KDM3B: variants seen among roughly 807,000 people sequenced by gnomAD.
KDM3B encodes lysine demethylase 3B.
In KDM3B, 10 loss-of-function variants were observed where a neutral mutation model predicts 170.0. That is an observed-to-expected ratio of 0.06 (90% CI 0.04 to 0.10). KDM3B has a LOEUF of 0.10. KDM3B is among the 10% of genes least tolerant of loss of function. The pLI, the probability that KDM3B is intolerant of heterozygous loss-of-function variation, is 1.00. For missense variants in KDM3B, 1,394 were observed against 2,195.2 expected, an observed-to-expected ratio of 0.64 and a Z score of 7.29; for synonymous variants, 831 against 834.8, an observed-to-expected ratio of 1.00 and a Z score of 0.08.
chr5:138,435,063 CTTTTT>C (rs1161453838), intron 23 of KDM3B, among the ~76,000 whole-genome samples: 1 of 152,132 alleles, frequency 6.6e-6, no homozygotes, highest in African/African-American at 2.4e-5. Context: ...TGCCTGTTCA[CTTTTT>C]TCAATAACTT....
chr5:138,435,985 C>G lies in KDM3B; in HGVS notation c.*285C>G, dbSNP rs1763664775. On this transcript the variant is annotated 3_prime_UTR_variant, in exon 24 of 24. Transcript: ENST00000314358. ...AATTGCCTGAACATGGCGGGGCTTT[C>G]CTGCACATTCTCCTGATTTGAGATT... 2.7e-6 allele frequency: 1 copy of G among 372,210 alleles called. No homozygotes were observed. 23.1% of individuals were successfully genotyped at this position (372,210 alleles called of 1,614,324 possible). A position where few individuals can be genotyped will look rare whatever the true frequency, so the allele number is the denominator to read the frequency against.
chr5:138,385,921 T>G, intron 6 of KDM3B, 101 bp from the exon 7 acceptor site: 1 of 1,390,102 alleles, frequency 7.2e-7, no homozygotes, highest in Non-Finnish European at 9.8e-7. Context: ...TGGCAGTCTA[T>G]GCCTGCTTTG....
In KDM3B at chr5:138,352,899, G is replaced by A. The variant is rs1029580499; in HGVS notation, c.104G>A (p.Ser35Asn). The A allele has an allele frequency of 1.5e-6, 2 of 1,376,500 alleles. No homozygotes were observed. Among genetic ancestry groups the A allele is most frequent in the Admixed American group, 5.9e-5 (2 of 34,082 alleles). The allele number at this position is 1,376,500 out of a possible 1,614,324, so 85.3% of individuals were successfully genotyped here. A position where few individuals can be genotyped will look rare whatever the true frequency, so the allele number is the denominator to read the frequency against. Residue 35 changes from serine (S) to asparagine (N), a missense_variant, in exon 1 of 24, where the codon AGC becomes AAC. This residue lies in a region of KDM3B where 99 missense variants were observed against 97.5 expected (regional missense o/e 1.02). Transcript: ENST00000314358. ...TCGGCTCCCGCGGCGGCAGCGGCGA[G>A]CGGAGATCCGGGGCCTGCGCTGCGC... ...SASAPAAAAA[S>N]GDPGPALRTR...
At chr5:138,375,471 C>A (rs1048533826) in intron 3 of KDM3B, among the ~76,000 whole-genome samples, 3 of 151,706 alleles carry the variant, frequency 2.0e-5, no homozygotes, top group Non-Finnish European at 4.4e-5. Context: ...TCCGCCTCCC[C>A]GGTTCACTCC....
Position 138,375,163 on chromosome 5 carries a change from A to G in KDM3B, c.431A>G (p.Glu144Gly). Reference sequence around the variant, plus strand: ...CCAGTGGAATATCTTCTGGATCGAGAGCTTCGGTTCCTGTCAGATGCCAAT... The same window carrying G: ...CCAGTGGAATATCTTCTGGATCGAGGGCTTCGGTTCCTGTCAGATGCCAAT... Reference protein sequence around the residue: ...VVPVEYLLDRELRFLSDANGL... With the variant: ...VVPVEYLLDRGLRFLSDANGL... The change falls in exon 3 of 24, where the codon GAG (glutamate) becomes GGG (glycine). Residue 144 changes from glutamate to glycine, a missense_variant. Physicochemically the swap from Glu to Gly is moderately conservative, Grantham distance 98. Around this residue, in one of 19 missense-constraint regions of KDM3B, gnomAD observed 166 missense variants for 216.4 expected, o/e 0.77. Transcript: ENST00000314358. 2 of 1,613,788 alleles carry G rather than the reference A, an allele frequency of 1.2e-6. No homozygotes were observed. The highest frequency in any genetic ancestry group is 1.7e-6 in the Non-Finnish European group (2 of 1,179,862).
At chr5:138,433,261 G>T (rs1763583961) in intron 23 of KDM3B, among the ~76,000 whole-genome samples, 1 of 150,752 alleles carries the variant, frequency 6.6e-6, no homozygotes, top group African/African-American at 2.4e-5. Context: ...ACAGGCACCT[G>T]CCACTGTGCC....
intron 1 of KDM3B, among the ~76,000 whole-genome samples, chr5:138,358,008 T>C (rs1285753531): frequency 1.3e-5 from 2 of 151,776 alleles, no homozygotes; most frequent in Non-Finnish European, 2.9e-5. Flanking sequence ...ATTTATTTAT[T>C]TATTTAGAGA....
intron 4 of KDM3B, among the ~76,000 whole-genome samples, chr5:138,379,083 C>G (rs938361151): frequency 1.8e-4 from 27 of 152,098 alleles, no homozygotes; most frequent in African/African-American, 6.0e-4. Flanking sequence ...AGGCTGGAAA[C>G]TTCATAAATT....
intron 14 of KDM3B, among the ~76,000 whole-genome samples, chr5:138,420,131 A>C (rs911071070): frequency 3.3e-5 from 5 of 152,090 alleles, no homozygotes; most frequent in Non-Finnish European, 7.4e-5. Flanking sequence ...CAAGTGATAC[A>C]CCTGCCTCGG....
rs759901908 is a variant in KDM3B, at chr5:138,391,627, T to C, written c.1995T>C (p.Thr665=). ...QASGSSSSAT[T]VTSKVAPSWP... ...CAGGTAGCTCCTCTTCTGCTACCACTGTCACCTCCAAGGTGGCACCCAGCT... is the reference window on the plus strand; with the variant it reads ...CAGGTAGCTCCTCTTCTGCTACCACCGTCACCTCCAAGGTGGCACCCAGCT... Residue 665 remains threonine (T), a synonymous_variant, in exon 8 of 24, where the codon ACT becomes ACC. Coordinates refer to ENST00000314358, the MANE Select transcript of KDM3B (RefSeq NM_016604.4). The surrounding 1 kb of genome is among the most constrained non-coding windows in gnomAD (Gnocchi z 5.0). The C allele has an allele frequency of 2.5e-6, 4 of 1,614,058 alleles. No homozygotes were observed. The highest frequency in any genetic ancestry group is 8.5e-7 in the Non-Finnish European group (1 of 1,180,028).
chr5:138,364,179 G>T (rs1761687336), intron 1 of KDM3B, among the ~76,000 whole-genome samples: 1 of 151,870 alleles, frequency 6.6e-6, no homozygotes, highest in African/African-American at 2.4e-5. Flanking sequence ...CAGTCTCCCA[G>T]AGTGCTGGGA....
intron 1 of KDM3B, among the ~76,000 whole-genome samples, chr5:138,355,671 T>A (rs189850214): frequency 2.2e-4 from 33 of 152,348 alleles, no homozygotes; most frequent in Non-Finnish European, 4.7e-4. Flanking sequence ...TATCTCTGGC[T>A]TTTCTTTCCT....
chr5:138,435,470 A>G (rs961289038), intron 23 of KDM3B, 150 bp from the exon 24 acceptor site: 29 of 624,212 alleles, frequency 4.6e-5, no homozygotes, highest in African/African-American at 3.7e-4. Context: ...CTCATGCCCT[A>G]TGTGATTTGT....
In KDM3B at chr5:138,425,744, G is replaced by T. The variant is rs62382360; in HGVS notation, c.4411+162G>T. ...AACAGACAGCCGGGCGTGGTTGCTC[G>T]CTCCTGTAATTTCAGTCTTTTTGGA... On this transcript the variant is annotated intron_variant, in intron 17 of 23. Transcript: ENST00000314358. The T allele has an allele frequency of 9.6e-6, 6 of 623,566 alleles. No homozygotes were observed. The South Asian group carries it at 1.3e-4, about 14-fold the overall frequency. 38.6% of individuals were successfully genotyped at this position (623,566 alleles called of 1,614,324 possible).
intron 14 of KDM3B, among the ~76,000 whole-genome samples, chr5:138,419,670 T>A (rs6861602): frequency 0.13 from 7,520 of 57,432 alleles, 668 homozygotes; most frequent in East Asian, 0.21. Context: ...AAAAAAAAAA[T>A]ATATATATAT....
At chr5:138,357,637 G>A (rs1761485231) in intron 1 of KDM3B, among the ~76,000 whole-genome samples, 1 of 152,206 alleles carries the variant, frequency 6.6e-6, no homozygotes, top group Admixed American at 6.5e-5. Flanking sequence ...TGGGATTACA[G>A]GCGTGAGCCA....
chr5:138,430,836 G>A (rs1282020024), intron 22 of KDM3B, among the ~76,000 whole-genome samples: 1 of 151,996 alleles, frequency 6.6e-6, no homozygotes, highest in Non-Finnish European at 1.5e-5. Context: ...GTTGCAGTGA[G>A]CCAAGATCGC....
chr5:138,354,034 C>CT (rs969301051), intron 1 of KDM3B, among the ~76,000 whole-genome samples: 2 of 152,126 alleles, frequency 1.3e-5, no homozygotes, highest in African/African-American at 4.8e-5. Flanking sequence ...TCTTGATGAA[C>CT]TTGCTTTTGC....
At chr5:138,397,190 C>G (rs1438751624) in intron 9 of KDM3B, among the ~76,000 whole-genome samples, 1 of 152,040 alleles carries the variant, frequency 6.6e-6, no homozygotes, top group African/African-American at 2.4e-5. Flanking sequence ...ACAAAATCAG[C>G]TGGGCGTGGT....
Sources: allele counts gnomAD v4.1 joint callset (sites outside exome capture counted in the v4.1 genomes callset), GRCh38; gene constraint gnomAD v4.1.1; regional missense constraint gnomAD v4.1.1; non-coding constraint Gnocchi (gnomAD v3.1); transcripts MANE v1.5; gene names NCBI Gene and HGNC (gene_info 2026-07-23, HGNC 2026-07-21).